The following RCOR1 variants were observed in gnomAD, a reference collection of about 807,000 sequenced individuals.
RCOR1 encodes the protein REST corepressor 1.
RCOR1 carries 12 observed loss-of-function variants against 64.0 expected under a neutral mutation model. That is an observed-to-expected ratio of 0.19 (90% CI 0.12 to 0.30). RCOR1 has a LOEUF of 0.30. Ranked by LOEUF, RCOR1 falls within the 10% of genes least tolerant of loss-of-function variation. RCOR1 has a pLI of 1.00. For synonymous variants in RCOR1, 279 were observed against 227.2 expected (o/e 1.23, Z -2.05); for missense variants, 502 against 621.2 (o/e 0.81, Z 2.04).
At chr14:102,667,670 G>A (rs1339503322) in intron 2 of RCOR1, among the ~76,000 whole-genome samples, 1 of 152,190 alleles carries the variant, frequency 6.6e-6, no homozygotes, top group Admixed American at 6.5e-5. Context: ...AGTGGCAGCA[G>A]GGTTGGAGAG....
At chr14:102,689,182 G>T (rs1295902452) in intron 3 of RCOR1, among the ~76,000 whole-genome samples, 2 of 152,188 alleles carry the variant, frequency 1.3e-5, no homozygotes, top group African/African-American at 4.8e-5. Context: ...GCCCAGTCTG[G>T]TTCCTTTTAC....
intron 3 of RCOR1, among the ~76,000 whole-genome samples, chr14:102,693,495 A>G (rs1489066675): frequency 1.3e-5 from 2 of 152,186 alleles, no homozygotes; most frequent in African/African-American, 2.4e-5. Flanking sequence ...AGGCTACTCT[A>G]TTGGATGAAG....
rs369666770 is a variant in RCOR1 at position 102,592,862 on chromosome 14, T to A, written c.-25T>A. 4,132 of 1,179,358 alleles carry A rather than the reference T, an allele frequency of 3.5e-3. 115 individuals are homozygous for A. In the African/African-American group the frequency reaches 0.062, roughly 18 times the overall value. 73.1% of individuals were successfully genotyped at this position (1,179,358 alleles called of 1,614,324 possible). The stretch of plus-strand genomic sequence containing the variant: ...CTCAGGAGCCGCGGGTCCCCGCCAC[T>A]TTCGCACGGCCCCGGCCCCCGCCGA... On this transcript the variant is annotated 5_prime_UTR_variant, in exon 1 of 12. Coordinates refer to ENST00000262241, the MANE Select transcript of RCOR1 (RefSeq NM_015156.4).
rs1894488262 is a variant in RCOR1, at chr14:102,646,968, TAATGGATTG to T, written c.362-34926_362-34918del. 2.6e-5 allele frequency among the ~76,000 whole-genome samples: 4 copies of T among 152,354 alleles called. No individual in the cohort carries two copies. In the South Asian group the frequency reaches 8.3e-4, roughly 32 times the overall value. On this transcript the variant is annotated intron_variant, in intron 2 of 11. Transcript: ENST00000262241. The stretch of plus-strand genomic sequence containing the variant: ...AAAACAGAAGGGAATACTTTAGAGT[TAATGGATTG>T]GTTCAGGAGCTCCAACATCTGCACT...
In RCOR1 at chr14:102,593,162, G is replaced by A. The variant is rs1482214158; in HGVS notation, c.276G>A (p.Ser92=). The A allele has an allele frequency of 1.3e-6, 2 of 1,524,878 alleles. No individual in the cohort carries two copies. Among genetic ancestry groups the A allele is most frequent in the East Asian group, 5.5e-5 (2 of 36,440 alleles). 94.5% of individuals were successfully genotyped at this position (1,524,878 alleles called of 1,614,324 possible). A position where few individuals can be genotyped will look rare whatever the true frequency, so the allele number is the denominator to read the frequency against. ...SSSNSWEEGS[S]GSSSDEEHGG... ...GCAACTCCTGGGAGGAAGGCAGCTC[G>A]GGCTCGTCCAGCGACGAGGAGCACG... The change falls in exon 1 of 12, where the codon TCG becomes TCA. Residue 92 remains serine (S), a synonymous_variant. Transcript: ENST00000262241.
At chr14:102,605,707 C>T (rs1893492542) in intron 2 of RCOR1, among the ~76,000 whole-genome samples, 1 of 152,138 alleles carries the variant, frequency 6.6e-6, no homozygotes, top group Non-Finnish European at 1.5e-5. Context: ...AGAGTGTATT[C>T]CTACTTATAA....
chr14:102,627,005 A>G (rs185196743), intron 2 of RCOR1, among the ~76,000 whole-genome samples: 6 of 152,320 alleles, frequency 3.9e-5, no homozygotes, highest in Admixed American at 3.3e-4. Context: ...ATTATAGGTT[A>G]TAGTCTGTTT....
At chr14:102,602,045 G>A (rs780380792) in intron 2 of RCOR1, among the ~76,000 whole-genome samples, 3 of 151,988 alleles carry the variant, frequency 2.0e-5, no homozygotes, top group Non-Finnish European at 4.4e-5. Flanking sequence ...TGTAATCCCA[G>A]CTACTTGGGA....
At chr14:102,675,090 G>C (rs1233208866) in intron 2 of RCOR1, among the ~76,000 whole-genome samples, 1 of 144,498 alleles carries the variant, frequency 6.9e-6, no homozygotes, top group Non-Finnish European at 1.5e-5. Context: ...TAAACAAAGA[G>C]ACCTGCCTGT....
intron 11 of RCOR1, among the ~76,000 whole-genome samples, chr14:102,725,870 C>T (rs999735512): frequency 1.3e-5 from 2 of 152,116 alleles, no homozygotes; most frequent in African/African-American, 4.8e-5. Flanking sequence ...TGTGCCGGGC[C>T]GTTTTCAGGC....
At chr14:102,636,398 C>T (rs1019633601) in intron 2 of RCOR1, among the ~76,000 whole-genome samples, 4 of 151,928 alleles carry the variant, frequency 2.6e-5, no homozygotes, top group African/African-American at 7.3e-5. Flanking sequence ...CTGCCTCAGC[C>T]TCCCAAGTAG....
intron 2 of RCOR1, among the ~76,000 whole-genome samples, chr14:102,596,665 A>G (rs938866287): frequency 1.3e-5 from 2 of 151,400 alleles, no homozygotes; most frequent in Non-Finnish European, 2.9e-5. Context: ...CCGAGGTTCA[A>G]GTGATTCTCC....
At chr14:102,639,240 A>G (rs535603289) in intron 2 of RCOR1, among the ~76,000 whole-genome samples, 84 of 150,372 alleles carry the variant, frequency 5.6e-4, no homozygotes, top group Admixed American at 1.7e-3. Context: ...TAGGAGAACC[A>G]ACTACTCTTT....
intron 2 of RCOR1, among the ~76,000 whole-genome samples, chr14:102,639,276 T>A (rs2139919036): frequency 6.7e-6 from 1 of 149,352 alleles, no homozygotes; most frequent in Admixed American, 6.7e-5. Flanking sequence ...TTTTTTTTTT[T>A]TTTTTTGAGA....
chr14:102,688,647 A>G lies in RCOR1; in HGVS notation c.445+6669A>G, dbSNP rs182925391. On this transcript the variant is annotated intron_variant, in intron 3 of 11. Coordinates refer to ENST00000262241, the MANE Select transcript of RCOR1 (RefSeq NM_015156.4). ...AACTTGCCCCAAAGAGATGGAGACC[A>G]TAGAATTGTGGGCTTAGTGACTGGT... 2.9e-3 allele frequency among the ~76,000 whole-genome samples: 438 copies of G among 152,302 alleles called. 1 individual carries two copies. Among genetic ancestry groups the G allele is most frequent in the Non-Finnish European group, 4.6e-3 (314 of 68,014 alleles).
chr14:102,652,713 C>T (rs1469431694), intron 2 of RCOR1, among the ~76,000 whole-genome samples: 1 of 152,026 alleles, frequency 6.6e-6, no homozygotes, highest in East Asian at 1.9e-4. Flanking sequence ...TGACTTTTTC[C>T]CATAGATACG....
In RCOR1 at chr14:102,592,854, C is replaced by G. The variant is rs1289856405; in HGVS notation, c.-33C>G. ...GCCCCCTCCTCAGGAGCCGCGGGTC[C>G]CCGCCACTTTCGCACGGCCCCGGCC... is the stretch of plus-strand genomic sequence containing the variant. On this transcript the variant is annotated 5_prime_UTR_variant, in exon 1 of 12. Transcript: ENST00000262241. The G allele has an allele frequency of 5.2e-5, 62 of 1,182,020 alleles. No homozygotes were observed. The East Asian group carries it at 2.3e-3, about 45-fold the overall frequency. 73.2% of individuals were successfully genotyped at this position (1,182,020 alleles called of 1,614,324 possible).
At chr14:102,642,834 C>A (rs1176150976) in intron 2 of RCOR1, among the ~76,000 whole-genome samples, 1 of 151,872 alleles carries the variant, frequency 6.6e-6, no homozygotes, top group African/African-American at 2.4e-5. Context: ...GAGACCCTGT[C>A]TATTAAAAAA....
At chr14:102,593,457 G>A in intron 2 of RCOR1, 132 bp downstream of exon 2, 2 of 974,960 alleles carry the variant, frequency 2.1e-6, no homozygotes, top group Non-Finnish European at 2.8e-6. Flanking sequence ...GGGGAGAACA[G>A]CAGGGCGAGG....
Sources: allele counts gnomAD v4.1 joint callset (sites outside exome capture counted in the v4.1 genomes callset), GRCh38; gene constraint gnomAD v4.1.1; transcripts MANE v1.5; gene names NCBI Gene and HGNC (gene_info 2026-07-23, HGNC 2026-07-21).